The following DYNC2I1 variants were observed in gnomAD, a reference collection of about 807,000 sequenced individuals.
The protein encoded by DYNC2I1 is dynein 2 intermediate chain 1.
In DYNC2I1, 89 loss-of-function variants were observed where a neutral mutation model predicts 133.4. That is an observed-to-expected ratio of 0.67 (90% CI 0.56 to 0.80). The LOEUF is 0.80. Ranked by LOEUF, DYNC2I1 falls within the 30% of genes least tolerant of loss-of-function variation. The pLI is 0.00. For synonymous variants in DYNC2I1, 504 were observed against 484.3 expected, an observed-to-expected ratio of 1.04 and a Z score of -0.54; for missense variants, 1,291 against 1,314.5, an observed-to-expected ratio of 0.98 and a Z score of 0.28.
chr7:158,864,109 A>C (rs377541950), intron 1 of DYNC2I1, among the ~76,000 whole-genome samples: 1 of 65,080 alleles, frequency 1.5e-5, no homozygotes, highest in African/African-American at 6.5e-5. Context: ...GGACGTCCTT[A>C]GCTCCGGGTG....
chr7:158,938,341 C>A (rs1381255799), intron 23 of DYNC2I1, among the ~76,000 whole-genome samples: 1 of 152,192 alleles, frequency 6.6e-6, no homozygotes, highest in Admixed American at 6.5e-5. Flanking sequence ...AAATGAAGAA[C>A]ATTGCCATCC....
At chr7:158,907,390 CAT>C (rs1846941761) in intron 11 of DYNC2I1, among the ~76,000 whole-genome samples, 2 of 148,500 alleles carry the variant, frequency 1.3e-5, no homozygotes, top group East Asian at 4.1e-4. Flanking sequence ...TGTTTAGACT[CAT>C]ATAAATATGA....
At chr7:158,915,059 T>A (rs1014257907) in intron 14 of DYNC2I1, among the ~76,000 whole-genome samples, 1 of 128,574 alleles carries the variant, frequency 7.8e-6, no homozygotes, top group African/African-American at 2.6e-5. Flanking sequence ...ACACGCTAGT[T>A]GAGATTAAGG....
intron 11 of DYNC2I1, among the ~76,000 whole-genome samples, chr7:158,908,878 C>G (rs1222782561): frequency 6.6e-6 from 1 of 152,172 alleles, no homozygotes; most frequent in Non-Finnish European, 1.5e-5. Flanking sequence ...CCCAGTCTCT[C>G]ACCAGATGGC....
At chr7:158,918,339 C>A (rs1453053161) in intron 14 of DYNC2I1, among the ~76,000 whole-genome samples, 1 of 152,186 alleles carries the variant, frequency 6.6e-6, no homozygotes, top group Non-Finnish European at 1.5e-5. Context: ...GGATGACCCT[C>A]CTGGAACAAT....
At chr7:158,935,116 G>C (rs990956286) in intron 23 of DYNC2I1, among the ~76,000 whole-genome samples, 2 of 152,236 alleles carry the variant, frequency 1.3e-5, no homozygotes, top group Non-Finnish European at 2.9e-5. Context: ...ATTTTTGCCT[G>C]TGTTCTTTTA....
intron 10 of DYNC2I1, 146 bp downstream of exon 10, chr7:158,902,741 C>A: frequency 1.4e-6 from 1 of 705,002 alleles, no homozygotes; most frequent in Non-Finnish European, 2.4e-6. Flanking sequence ...CATGCCCTTG[C>A]AGCTACCACA....
chr7:158,871,735 A>G (rs1473992003), intron 3 of DYNC2I1, among the ~76,000 whole-genome samples, 173 bp downstream of exon 3: 1 of 151,894 alleles, frequency 6.6e-6, no homozygotes, highest in Non-Finnish European at 1.5e-5. Context: ...CAGTGGTGCC[A>G]TCACAGCTCA....
At position 158,934,244 on chromosome 7, in the gene DYNC2I1, A is replaced by T; in HGVS notation, c.2646+16A>T. 6.3e-7 allele frequency: 1 copy of T among 1,591,792 alleles called. No homozygotes were observed. The highest frequency in any genetic ancestry group is 8.5e-7 in the Non-Finnish European group (1 of 1,169,946). ...CACAGACATGGTGAGTAGTATTTTA[A>T]ATTTAATCCTATTACTCATTCTCCT... is the stretch of plus-strand genomic sequence containing the variant. On this transcript the variant is annotated intron_variant, in intron 22 of 24. Coordinates refer to ENST00000407559, the MANE Select transcript of DYNC2I1 (RefSeq NM_018051.5).
chr7:158,946,465 C>T (rs373897223), downstream of DYNC2I1, among the ~76,000 whole-genome samples: 22 of 152,226 alleles, frequency 1.4e-4, no homozygotes, highest in East Asian at 3.9e-4. Context: ...AGCATCAAGG[C>T]GCCCCGTGTT....
rs139100686 is a variant in DYNC2I1 at position 158,902,893 on chromosome 7, G to C, written c.1357+298G>C. 8.4e-4 allele frequency: 276 copies of C among 330,396 alleles called. 1 individual carries two copies. In the East Asian group the frequency reaches 0.014, roughly 17 times the overall value. The allele number at this position is 330,396 out of a possible 1,614,324, so 20.5% of individuals were successfully genotyped here. A position where few individuals can be genotyped will look rare whatever the true frequency, so the allele number is the denominator to read the frequency against. ...CCACTCAGTGAGCACTGATGCTCCTGTTCTCCAGAGGGAGCTGAGGATGCT... is the reference window on the plus strand; with the variant it reads ...CCACTCAGTGAGCACTGATGCTCCTCTTCTCCAGAGGGAGCTGAGGATGCT... On this transcript the variant is annotated intron_variant, in intron 10 of 24. Transcript: ENST00000407559.
At position 158,891,270 on chromosome 7, in the gene DYNC2I1, C is replaced by G; in HGVS notation, c.996C>G (p.Gly332=). The change falls in exon 8 of 25, where the codon GGC becomes GGG. Residue 332 remains glycine, a synonymous_variant. Coordinates refer to ENST00000407559, the MANE Select transcript of DYNC2I1 (RefSeq NM_018051.5). Reference sequence around the variant, plus strand: ...GGCTGTTCTCTCTCCATTAGCATGGCCACGAGGAAGGCTCTTCTGTGTGGT... The same window carrying G: ...GGCTGTTCTCTCTCCATTAGCATGGGCACGAGGAAGGCTCTTCTGTGTGGT... ...GKDKDSRRKH[G]HEEGSSVWWK... 1.2e-6 allele frequency: 2 copies of G among 1,614,036 alleles called. No individual in the cohort carries two copies. Among genetic ancestry groups the G allele is most frequent in the Non-Finnish European group, 1.7e-6 (2 of 1,179,904 alleles).
intron 1 of DYNC2I1, among the ~76,000 whole-genome samples, chr7:158,862,290 G>T (rs1486468053): frequency 1.3e-5 from 2 of 152,060 alleles, no homozygotes; most frequent in Admixed American, 1.3e-4. Context: ...TGTTTAAAGA[G>T]AAAAGGACGA....
intron 8 of DYNC2I1, among the ~76,000 whole-genome samples, chr7:158,899,475 C>T (rs1276434892): frequency 4.6e-5 from 7 of 152,160 alleles, no homozygotes; most frequent in African/African-American, 1.7e-4. Flanking sequence ...CTTATTTCTT[C>T]TTCCATCTTT....
chr7:158,859,660 G>A (rs10236563), intron 1 of DYNC2I1, among the ~76,000 whole-genome samples: 3,237 of 152,146 alleles, frequency 0.021, 120 homozygotes, highest in African/African-American at 0.073. Context: ...GTGTCATCAC[G>A]CCCAGCTAAT....
intron 7 of DYNC2I1, 30 bp downstream of exon 7, chr7:158,887,105 A>G: frequency 1.2e-6 from 2 of 1,601,586 alleles, no homozygotes; most frequent in Non-Finnish European, 1.7e-6. Flanking sequence ...GAATACATTG[A>G]TTTTATGGTA....
chr7:158,914,132 C>T (rs1262589887), intron 13 of DYNC2I1, 101 bp from the exon 14 acceptor site: 16 of 906,030 alleles, frequency 1.8e-5, no homozygotes, highest in Non-Finnish European at 2.7e-5. Context: ...TTCTGGGACT[C>T]TTAATGTTGA....
intron 10 of DYNC2I1, chr7:158,904,774 G>GA (rs1326351092): frequency 5.9e-6 from 1 of 168,606 alleles, no homozygotes; most frequent in African/African-American, 2.4e-5. Flanking sequence ...CCATGGTCAT[G>GA]AAGCAAGTAG....
At chr7:158,889,903 G>A (rs1845024196) in intron 7 of DYNC2I1, among the ~76,000 whole-genome samples, 1 of 151,618 alleles carries the variant, frequency 6.6e-6, no homozygotes, top group African/African-American at 2.4e-5. Flanking sequence ...CTACTTGGGA[G>A]GCTGAGGCAG....
Sources: gnomAD v4.1 joint callset for allele counts (sites outside exome capture counted in the v4.1 genomes callset) on GRCh38, gnomAD v4.1.1 for gene constraint, MANE v1.5 for transcripts, NCBI Gene and HGNC (gene_info 2026-07-23, HGNC 2026-07-21) for gene names.